Variants in RPL6 observed in about 807,000 individuals in gnomAD.
The protein encoded by RPL6 is ribosomal protein L6, also known as large ribosomal subunit protein eL6.
Under a neutral mutation model 32.1 loss-of-function variants are expected in RPL6, and 1 was observed. The observed-to-expected ratio is 0.03, with a 90% confidence interval of 0.01 to 0.15. The LOEUF is 0.15. Among genes scored for constraint, RPL6 ranks in the 10% least tolerant of loss-of-function variants. RPL6 has a pLI of 1.00. For missense variants in RPL6, 275 were observed against 354.6 expected (o/e 0.78, Z 1.80); for synonymous variants, 126 against 131.6 (o/e 0.96, Z 0.29).
chr12:112,413,615 G>A (rs1288324469), upstream of RPL6, among the ~76,000 whole-genome samples: 1 of 151,804 alleles, frequency 6.6e-6, no homozygotes, highest in Non-Finnish European at 1.5e-5. Context: ...TTTTGTTTTT[G>A]CTATGTTGCC....
chr12:112,409,300 C>A, intron 1 of RPL6: 2 of 393,382 alleles, frequency 5.1e-6, no homozygotes, highest in East Asian at 3.6e-5. Context: ...GCCGTCTCCC[C>A]GCTTCCTCTA....
chr12:112,408,649 C>T lies in RPL6; in HGVS notation c.8G>A (p.Gly3Asp). The T allele has an allele frequency of 3.2e-6, 5 of 1,563,420 alleles. No homozygotes were observed. Among genetic ancestry groups the T allele is most frequent in the Non-Finnish European group, 3.4e-6 (4 of 1,168,418 alleles). The change falls in exon 2 of 7, where the codon GGT (glycine) becomes GAT (aspartate). Residue 3 changes from glycine to aspartate, a missense_variant. Transcript: ENST00000202773. ...AGTATCTGGCTTCTCAACTTTTTCA[C>T]CCGCCATCTAAAAATATTTTTTTGT... MA[G>D]EKVEKPDTKE...
chr12:112,405,643 C>CA (rs1865055739), intron 6 of RPL6: 1 of 611,688 alleles, frequency 1.6e-6, no homozygotes, highest in Non-Finnish European at 2.8e-6. Context: ...AGTTAATTCC[C>CA]ACACAATTCC....
chr12:112,406,440 C>T (rs2037171510), intron 4 of RPL6, 98 bp from the exon 5 acceptor site: 1 of 1,093,972 alleles, frequency 9.1e-7, no homozygotes, highest in South Asian at 1.3e-5. Context: ...AAGGAAATTT[C>T]TACATGTATA....
At chr12:112,416,645 C>G (rs1200198511) in intron 1 of RPL6, among the ~76,000 whole-genome samples, 2 of 151,988 alleles carry the variant, frequency 1.3e-5, no homozygotes, top group Non-Finnish European at 2.9e-5. Context: ...AACTCCTGAC[C>G]TCAGGTGATC....
At chr12:112,417,516 T>C (rs1000844432) in intron 1 of RPL6, among the ~76,000 whole-genome samples, 1 of 151,170 alleles carries the variant, frequency 6.6e-6, no homozygotes, top group African/African-American at 2.4e-5. Flanking sequence ...TTGCTCGAGC[T>C]TCACAGAGTG....
chr12:112,406,381 A>C, intron 4 of RPL6, 39 bp from the exon 5 acceptor site: 1 of 1,543,726 alleles, frequency 6.5e-7, no homozygotes, highest in East Asian at 2.2e-5. Context: ...TTCTGCAATT[A>C]AAAACTGACT....
At chr12:112,405,599 ATAAG>A (rs1175257715) in intron 6 of RPL6, 1 of 618,348 alleles carries the variant, frequency 1.6e-6, no homozygotes, top group East Asian at 2.8e-5. Context: ...CACATCAAGG[ATAAG>A]TAAGGGCACA....
At chr12:112,406,497 G>C in intron 4 of RPL6, 155 bp from the exon 5 acceptor site, 2 of 786,868 alleles carry the variant, frequency 2.5e-6, no homozygotes, top group South Asian at 3.6e-5. Flanking sequence ...AAGCTACTAA[G>C]GTAGTACTCC....
At chr12:112,405,483 A>G in intron 6 of RPL6, 107 bp from the exon 7 acceptor site, 1 of 1,137,542 alleles carries the variant, frequency 8.8e-7, no homozygotes, top group Non-Finnish European at 1.3e-6. Context: ...GAATATTTAG[A>G]AAACATTAAA....
At chr12:112,406,530 A>G in intron 4 of RPL6, 188 bp from the exon 5 acceptor site, 1 of 815,932 alleles carries the variant, frequency 1.2e-6, no homozygotes, top group Non-Finnish European at 1.9e-6. Context: ...GTTTTTGAGT[A>G]AATGAACATG....
At chr12:112,412,332 C>T (rs914980449), upstream of RPL6, among the ~76,000 whole-genome samples, 30 of 152,142 alleles carry the variant, frequency 2.0e-4, 1 homozygote, top group Admixed American at 1.3e-4. Context: ...AGCCACCTTG[C>T]CCGGCCAATT....
intron 4 of RPL6, 68 bp downstream of exon 4, chr12:112,406,679 T>C (rs939563950): frequency 6.3e-7 from 1 of 1,589,728 alleles, no homozygotes; most frequent in Non-Finnish European, 8.6e-7. Context: ...ACACCTAGCG[T>C]GCAAACGCAT....
rs950670647 is a variant in RPL6 at position 112,408,288 on chromosome 12, A to C, written c.288T>G (p.Val96=). Residue 96 remains valine, a synonymous_variant, in exon 3 of 7, where the codon GTT becomes GTG. Transcript: ENST00000202773. The part of the protein sequence containing the change: ...EKVLATVTKP[V]GGDKNGGTRV... Reference sequence around the variant, plus strand: ...GGGTACCGCCGTTCTTGTCACCACCAACTGGTTTTGTAACAGTTGCGAGAA... The same window carrying C: ...GGGTACCGCCGTTCTTGTCACCACCCACTGGTTTTGTAACAGTTGCGAGAA... The C allele has an allele frequency of 1.7e-5, 28 of 1,614,226 alleles. No homozygotes were observed. The highest frequency in any genetic ancestry group is 2.4e-5 in the Non-Finnish European group (28 of 1,180,050).
Position 112,409,570 on chromosome 12 carries a change from A to G in RPL6, c.-1+17T>C, listed in dbSNP as rs1243121111. On this transcript the variant is annotated intron_variant, in intron 1 of 6. Transcript: ENST00000202773. ...AGTCCTGAACTCAAGTCTTGCAGAC[A>G]GGCCCGCGATTCTTACCTTGCAAGA... 1 of 398,670 alleles carries G rather than the reference A, an allele frequency of 2.5e-6. No homozygotes were observed. Among genetic ancestry groups the G allele is most frequent in the East Asian group, 3.6e-5 (1 of 28,076 alleles). The allele number at this position is 398,670 out of a possible 1,614,324, so 24.7% of individuals were successfully genotyped here. A position where few individuals can be genotyped will look rare whatever the true frequency, so the allele number is the denominator to read the frequency against.
At chr12:112,417,868 G>A (rs2037439811) in intron 1 of RPL6, among the ~76,000 whole-genome samples, 1 of 151,444 alleles carries the variant, frequency 6.6e-6, no homozygotes, top group Non-Finnish European at 1.5e-5. Flanking sequence ...ATTTTGCCCG[G>A]GCTGGTTCCC....
chr12:112,407,832 AT>A (rs2037222032), intron 3 of RPL6: 1 of 171,236 alleles, frequency 5.8e-6, no homozygotes, highest in Non-Finnish European at 1.3e-5. Flanking sequence ...GGTTCAAGCG[AT>A]TCTTCTGCCT....
upstream of RPL6, among the ~76,000 whole-genome samples, chr12:112,409,879 G>C (rs1191063898): frequency 6.6e-6 from 1 of 151,982 alleles, no homozygotes; most frequent in African/African-American, 2.4e-5. Context: ...GGCGTGGGTG[G>C]TGCGTGTCTG....
chr12:112,407,982 A>C (rs1183518983), intron 3 of RPL6: 1 of 435,408 alleles, frequency 2.3e-6, no homozygotes, highest in Non-Finnish European at 4.1e-6. Context: ...AGCCTCCCAA[A>C]GTGCTGGGAT....
Sources: allele counts gnomAD v4.1 joint callset (sites outside exome capture counted in the v4.1 genomes callset), GRCh38; gene constraint gnomAD v4.1.1; transcripts MANE v1.5; gene names NCBI Gene and HGNC (gene_info 2026-07-23, HGNC 2026-07-21).